Variants in MDGA2 observed in about 807,000 individuals in gnomAD.
MDGA2 encodes MAM domain containing glycosylphosphatidylinositol anchor 2, also known as MAM domain-containing glycosylphosphatidylinositol anchor protein 2.
Under a neutral mutation model 117.8 loss-of-function variants are expected in MDGA2, and 40 were observed. That is an observed-to-expected ratio of 0.34 (90% CI 0.26 to 0.44). The LOEUF is 0.44. MDGA2 is among the 20% of genes least tolerant of loss of function. The pLI is 1.00. For missense variants in MDGA2, 1,123 were observed against 1,250.6 expected (o/e 0.90, Z 1.54); for synonymous variants, 452 against 439.0 (o/e 1.03, Z -0.37).
chr14:46,865,248 T>G (rs1183907183), intron 14 of MDGA2, among the ~76,000 whole-genome samples: 2 of 151,982 alleles, frequency 1.3e-5, no homozygotes, highest in African/African-American at 4.8e-5. Context: ...AGCATATCTG[T>G]TAGAAAGCAT....
chr14:47,521,628 T>C (rs576860182), intron 1 of MDGA2, among the ~76,000 whole-genome samples: 1 of 152,282 alleles, frequency 6.6e-6, no homozygotes. Flanking sequence ...AAAATATCTT[T>C]ATGTTATTAA....
intron 1 of MDGA2, among the ~76,000 whole-genome samples, chr14:47,425,745 G>A (rs1379277599): frequency 6.6e-6 from 1 of 152,074 alleles, no homozygotes; most frequent in African/African-American, 2.4e-5. Context: ...ATATATGTGT[G>A]TATATTTTGA....
chr14:46,922,640 C>T (rs1335913191), intron 9 of MDGA2, among the ~76,000 whole-genome samples: 1 of 152,116 alleles, frequency 6.6e-6, no homozygotes, highest in Non-Finnish European at 1.5e-5. Context: ...TTCTCAAATA[C>T]CCTAGGTTAT....
chr14:47,403,796 T>C lies in MDGA2; in HGVS notation c.281-102246A>G, dbSNP rs114462794. ...AAAAAAAGGAAGGTCTCCTGAACTT[T>C]CTTCTGTTCTCCCATGAAACAGGCC... On this transcript the variant is annotated intron_variant, in intron 1 of 16. Coordinates refer to ENST00000399232, the MANE Select transcript of MDGA2 (RefSeq NM_001113498.3). Among the ~76,000 whole-genome samples the C allele has an allele frequency of 8.1e-4, 124 of 152,256 alleles. 1 individual carries two copies. The highest frequency in any genetic ancestry group is 3.0e-3 in the African/African-American group (123 of 41,548).
chr14:47,099,879 G>A (rs1880202433), intron 5 of MDGA2, among the ~76,000 whole-genome samples: 1 of 152,004 alleles, frequency 6.6e-6, no homozygotes, highest in Non-Finnish European at 1.5e-5. Flanking sequence ...GATGCACAAA[G>A]TGTTTTCTTT....
intron 1 of MDGA2, among the ~76,000 whole-genome samples, chr14:47,314,491 A>C (rs1274681365): frequency 6.6e-6 from 1 of 152,126 alleles, no homozygotes; most frequent in East Asian, 1.9e-4. Context: ...AACCCTGCAC[A>C]ATATAGCAGG....
At chr14:47,182,577 A>G (rs1300422260) in intron 3 of MDGA2, among the ~76,000 whole-genome samples, 1 of 152,134 alleles carries the variant, frequency 6.6e-6, no homozygotes, top group Non-Finnish European at 1.5e-5. Context: ...TTTAACCTTG[A>G]ACTTCCCATC....
chr14:47,379,311 G>C (rs1001459831), intron 1 of MDGA2, among the ~76,000 whole-genome samples: 1 of 152,076 alleles, frequency 6.6e-6, no homozygotes, highest in Non-Finnish European at 1.5e-5. Context: ...ATCAACTAAC[G>C]AATGAGCAAA....
At chr14:46,867,929 GT>G (rs5808364) in intron 14 of MDGA2, among the ~76,000 whole-genome samples, 148,080 of 149,518 alleles carry the variant, frequency 0.99, 73,327 homozygotes, top group East Asian at 1. Flanking sequence ...TCTTCTGTCT[GT>G]TTTTTTTTTT....
chr14:47,614,834 C>G (rs1395108798), intron 1 of MDGA2, among the ~76,000 whole-genome samples: 1 of 152,168 alleles, frequency 6.6e-6, no homozygotes, highest in Non-Finnish European at 1.5e-5. Context: ...TCTTACTTTT[C>G]TCTTCTATAA....
chr14:47,100,750 T>C (rs1880258558), intron 5 of MDGA2, among the ~76,000 whole-genome samples: 1 of 152,126 alleles, frequency 6.6e-6, no homozygotes, highest in South Asian at 2.1e-4. Context: ...AGAGGGAAAC[T>C]TTCTGATTAA....
chr14:47,047,219 C>T (rs1313212461), intron 7 of MDGA2, among the ~76,000 whole-genome samples: 2 of 151,726 alleles, frequency 1.3e-5, no homozygotes, highest in Non-Finnish European at 2.9e-5. Context: ...TTTTAATAAC[C>T]ATGGAGAGTT....
At chr14:47,331,260 T>C (rs999579826) in intron 1 of MDGA2, among the ~76,000 whole-genome samples, 1 of 151,912 alleles carries the variant, frequency 6.6e-6, no homozygotes, top group Admixed American at 6.6e-5. Flanking sequence ...AAAATACTTT[T>C]TTATAAACTG....
intron 9 of MDGA2, among the ~76,000 whole-genome samples, chr14:46,947,018 T>C (rs1457520548): frequency 1.3e-5 from 2 of 152,110 alleles, no homozygotes; most frequent in African/African-American, 4.8e-5. Context: ...AAAAACAGAC[T>C]TGATTAGGTT....
rs1463041367 is a variant in MDGA2 at position 46,841,267 on chromosome 14, A to T, written c.*664T>A. On this transcript the variant is annotated 3_prime_UTR_variant, in exon 17 of 17. Coordinates refer to ENST00000399232, the MANE Select transcript of MDGA2 (RefSeq NM_001113498.3). ...TACCATCCTGGATAGTAGTGCATGCAAAAAGAGACAGCATACAGTTATCTA... is the reference window on the plus strand; with the variant it reads ...TACCATCCTGGATAGTAGTGCATGCTAAAAGAGACAGCATACAGTTATCTA... The T allele has an allele frequency of 6.6e-6, 1 of 152,550 alleles. No individual in the cohort carries two copies. The highest frequency in any genetic ancestry group is 1.5e-5 in the Non-Finnish European group (1 of 68,014). The allele number at this position is 152,550 out of a possible 1,614,324, so 9.4% of individuals were successfully genotyped here.
intron 9 of MDGA2, among the ~76,000 whole-genome samples, chr14:46,955,055 A>G (rs1885510325): frequency 2.0e-5 from 3 of 152,068 alleles, no homozygotes; most frequent in South Asian, 4.1e-4. Context: ...ATAAGCCCAG[A>G]TATTTTGAAG....
intron 3 of MDGA2, among the ~76,000 whole-genome samples, chr14:47,213,911 A>G (rs1422532169): frequency 6.6e-6 from 1 of 152,184 alleles, no homozygotes; most frequent in Non-Finnish European, 1.5e-5. Context: ...AGAGAAAGCA[A>G]GGCACCTTCT....
At chr14:47,128,392 A>G (rs1005872765) in intron 5 of MDGA2, among the ~76,000 whole-genome samples, 13 of 152,024 alleles carry the variant, frequency 8.6e-5, no homozygotes, top group African/African-American at 3.1e-4. Context: ...TTTCTTCCTC[A>G]TTCCATAGTA....
intron 12 of MDGA2, among the ~76,000 whole-genome samples, chr14:46,876,133 G>C (rs1215391883): frequency 6.6e-6 from 1 of 151,390 alleles, no homozygotes; most frequent in African/African-American, 2.4e-5. Context: ...ATTATAACTA[G>C]TGTAATAATT....
Sources: allele counts gnomAD v4.1 joint callset (sites outside exome capture counted in the v4.1 genomes callset), GRCh38; gene constraint gnomAD v4.1.1; transcripts MANE v1.5; gene names NCBI Gene and HGNC (gene_info 2026-07-23, HGNC 2026-07-21).